The following STEAP1B variants were observed in gnomAD, a reference collection of about 807,000 sequenced individuals.
The protein encoded by STEAP1B is STEAP family member 1B.
STEAP1B carries 13 observed loss-of-function variants against 27.9 expected under a neutral mutation model. The ratio of observed to expected loss-of-function variants is 0.47; its 90% CI spans 0.30 to 0.74. The LOEUF (loss-of-function observed/expected upper bound fraction) is 0.74. Ranked by LOEUF, STEAP1B falls within the 30% of genes least tolerant of loss-of-function variation. The probability of loss-of-function intolerance (pLI) is 0.06; values close to 1 mark genes in which losing one functional copy is unlikely to be tolerated. For missense variants in STEAP1B, 250 were observed against 298.7 expected (o/e 0.84, Z 1.20); for synonymous variants, 86 against 107.1 (o/e 0.80, Z 1.22).
intron 4 of STEAP1B, among the ~76,000 whole-genome samples, chr7:22,460,877 T>C (rs1785666985): frequency 6.6e-6 from 1 of 152,210 alleles, no homozygotes; most frequent in Admixed American, 6.5e-5. Context: ...TACATGTATA[T>C]AGTAAGTAAG....
chr7:22,445,858 C>A (rs1024216011), intron 4 of STEAP1B, among the ~76,000 whole-genome samples: 3 of 152,236 alleles, frequency 2.0e-5, no homozygotes, highest in African/African-American at 7.2e-5. Flanking sequence ...ATGCTTTTCT[C>A]CTCCTGATTT....
At position 22,470,339 on chromosome 7, in the gene STEAP1B, G is replaced by C. The variant is rs186899919; in HGVS notation, c.762+22226C>G. Among the ~76,000 whole-genome samples the C allele has an allele frequency of 3.9e-5, 6 of 152,232 alleles. No individual in the cohort carries two copies. In the East Asian group the frequency reaches 1.2e-3, roughly 29 times the overall value. On this transcript the variant is annotated intron_variant, in intron 4 of 4. Coordinates refer to ENST00000678116, the MANE Select transcript of STEAP1B (RefSeq NM_001382447.1). ...GGGGGCAAAAATAAGTGATTAGATTGTAACAAAAAGTAAGATGAATATCTA... is the reference window on the plus strand; with the variant it reads ...GGGGGCAAAAATAAGTGATTAGATTCTAACAAAAAGTAAGATGAATATCTA...
intron 4 of STEAP1B, among the ~76,000 whole-genome samples, chr7:22,433,946 G>C (rs1785222485): frequency 6.6e-6 from 1 of 152,264 alleles, no homozygotes; most frequent in Non-Finnish European, 1.5e-5. Flanking sequence ...GCGGGAGCAG[G>C]GAGGCACCTA....
Position 22,454,148 on chromosome 7 carries a change from G to C in STEAP1B, c.763-34312C>G, listed in dbSNP as rs1489950204. Among the ~76,000 whole-genome samples, 3 of 152,196 alleles carry C rather than the reference G, an allele frequency of 2.0e-5. No homozygotes were observed. The East Asian group carries it at 5.8e-4, about 29-fold the overall frequency. ...AACAGGAATAACAAGGGATTGGCTA[G>C]TAAGAAAGAGAAAGCTAAAGAATGC... On this transcript the variant is annotated intron_variant, in intron 4 of 4. Coordinates refer to ENST00000678116, the MANE Select transcript of STEAP1B (RefSeq NM_001382447.1).
At chr7:22,452,275 G>C (rs566893392) in intron 4 of STEAP1B, among the ~76,000 whole-genome samples, 1 of 152,178 alleles carries the variant, frequency 6.6e-6, no homozygotes, top group Non-Finnish European at 1.5e-5. Flanking sequence ...ACAGCACCCT[G>C]AGAACTGTCA....
chr7:22,467,578 G>A (rs569752164), intron 4 of STEAP1B, among the ~76,000 whole-genome samples: 9 of 152,290 alleles, frequency 5.9e-5, no homozygotes, highest in South Asian at 4.1e-4. Flanking sequence ...TTTTGGGGGC[G>A]ATTCCCCCCA....
intron 4 of STEAP1B, among the ~76,000 whole-genome samples, chr7:22,429,922 T>G (rs1023748439): frequency 6.6e-6 from 1 of 151,852 alleles, no homozygotes; most frequent in Admixed American, 6.6e-5. Context: ...CAAAAAAAAA[T>G]GATAAAAATA....
At chr7:22,438,342 A>G in intron 4 of STEAP1B, 1 of 950,706 alleles carries the variant, frequency 1.1e-6, no homozygotes, top group Non-Finnish European at 1.5e-6. Flanking sequence ...TTATTTTTCT[A>G]CATAATACTG....
intron 4 of STEAP1B, among the ~76,000 whole-genome samples, chr7:22,421,116 A>T (rs981876919): frequency 1.3e-5 from 2 of 152,266 alleles, no homozygotes. Context: ...TTAAAAGTGG[A>T]TTCCTGCCCT....
In STEAP1B at chr7:22,493,267, AATTT is replaced by A; in HGVS notation, c.597+53_597+56del. On this transcript the variant is annotated intron_variant, in intron 3 of 4. Transcript: ENST00000678116. ...ATTGATATTACAATGAGAAATGATT[AATTT>A]GTTAGGTGACTTAGACTTTTTATTA... 12 of 1,487,918 alleles carry A rather than the reference AATTT, an allele frequency of 8.1e-6. No homozygotes were observed. In the South Asian group the frequency reaches 1.1e-4, roughly 13 times the overall value. The allele number at this position is 1,487,918 out of a possible 1,614,324, so 92.2% of individuals were successfully genotyped here.
chr7:22,491,434 T>C (rs548565102), intron 4 of STEAP1B, among the ~76,000 whole-genome samples: 2 of 152,216 alleles, frequency 1.3e-5, no homozygotes, highest in Non-Finnish European at 2.9e-5. Flanking sequence ...AGTTCATCAT[T>C]ATTTAAGAAT....
At chr7:22,427,482 G>A (rs1317790453) in intron 4 of STEAP1B, among the ~76,000 whole-genome samples, 1 of 152,174 alleles carries the variant, frequency 6.6e-6, no homozygotes, top group African/African-American at 2.4e-5. Flanking sequence ...GGGAAAGGGT[G>A]GAAAAGAATA....
At chr7:22,482,918 C>T (rs1209047422) in intron 4 of STEAP1B, among the ~76,000 whole-genome samples, 1 of 152,092 alleles carries the variant, frequency 6.6e-6, no homozygotes, top group African/African-American at 2.4e-5. Flanking sequence ...TGTCTCAGGT[C>T]CCTGGGAATA....
intron 1 of STEAP1B, among the ~76,000 whole-genome samples, chr7:22,496,559 T>C (rs1375615647): frequency 1.3e-5 from 2 of 152,232 alleles, no homozygotes; most frequent in Admixed American, 1.3e-4. Context: ...TTATCTTTTA[T>C]ACGATATATG....
intron 4 of STEAP1B, among the ~76,000 whole-genome samples, chr7:22,430,806 C>T (rs1422193118): frequency 1.3e-5 from 2 of 152,220 alleles, no homozygotes; most frequent in African/African-American, 4.8e-5. Context: ...CAGACAGACA[C>T]ATTTCTCACC....
At chr7:22,450,323 G>T (rs866780141) in intron 4 of STEAP1B, among the ~76,000 whole-genome samples, 1 of 152,164 alleles carries the variant, frequency 6.6e-6, no homozygotes, top group Non-Finnish European at 1.5e-5. Flanking sequence ...AGATTTAAAT[G>T]TCTAATCCAT....
In STEAP1B at chr7:22,493,631, G is replaced by C. The variant is rs1786383433; in HGVS notation, c.290C>G (p.Pro97Arg). The C allele has an allele frequency of 6.2e-7, 1 of 1,613,960 alleles. No homozygotes were observed. The highest frequency in any genetic ancestry group is 8.5e-7 in the Non-Finnish European group (1 of 1,179,854). Residue 97 changes from proline (P) to arginine (R), a missense_variant, in exon 3 of 5, where the codon CCT (proline) becomes CGT (arginine). Transcript: ENST00000678116. ...LYTLLREVIH[P>R]LATSHQQYFY... is the part of the protein sequence containing the mutation. ...ATATTGTTGATGGGAAGTTGCTAAA[G>C]GGTGAATTACTTCCCTCAGAAGAGT...
intron 3 of STEAP1B, 127 bp from the exon 4 acceptor site, chr7:22,492,856 C>G: frequency 1.4e-6 from 2 of 1,395,826 alleles, no homozygotes; most frequent in Non-Finnish European, 1.9e-6. Context: ...AAATTTATGA[C>G]TTTTTCTTTT....
chr7:22,433,213 G>A (rs1307678931), intron 4 of STEAP1B, among the ~76,000 whole-genome samples: 1 of 152,076 alleles, frequency 6.6e-6, no homozygotes. Flanking sequence ...CCAAAAGACA[G>A]AGAACCTGGT....
Sources: allele counts gnomAD v4.1 joint callset (sites outside exome capture counted in the v4.1 genomes callset), GRCh38; gene constraint gnomAD v4.1.1; transcripts MANE v1.5; gene names NCBI Gene and HGNC (gene_info 2026-07-23, HGNC 2026-07-21).